The following SV2B variants were observed in gnomAD, a reference collection of about 807,000 sequenced individuals.
SV2B encodes synaptic vesicle glycoprotein 2B, also known as solute carrier family 22 member B2.
SV2B carries 41 observed loss-of-function variants against 73.9 expected under a neutral mutation model. The observed-to-expected ratio is 0.56, with a 90% CI of 0.43 to 0.72. SV2B has a LOEUF of 0.72. Ranked by LOEUF, SV2B falls within the 30% of genes least tolerant of loss-of-function variation. The pLI is 0.00. For missense variants in SV2B, 764 were observed against 857.8 expected, an observed-to-expected ratio of 0.89 and a Z score of 1.37; for synonymous variants, 314 against 314.2, an observed-to-expected ratio of 1.00 and a Z score of 0.01.
At position 91,280,747 on chromosome 15, in the gene SV2B, A is replaced by T. The variant is rs1022534846; in HGVS notation, c.1374-981A>T. ...CTTATTGTCTTTTTAACTGAGTTTT[A>T]AAAAAAAGTGAACACATAATACATA... On this transcript the variant is annotated intron_variant, in intron 9 of 12. Transcript: ENST00000394232. This position sits in a 1 kb window ranked among gnomAD's most constrained non-coding sequence, Gnocchi z 5.8. Among the ~76,000 whole-genome samples the T allele has an allele frequency of 9.2e-5, 14 of 152,170 alleles. No individual in the cohort carries two copies. Among genetic ancestry groups the T allele is most frequent in the Non-Finnish European group, 1.5e-4 (10 of 67,982 alleles).
At chr15:91,217,062 G>A (rs1220877634) in intron 1 of SV2B, among the ~76,000 whole-genome samples, 1 of 150,540 alleles carries the variant, frequency 6.6e-6, no homozygotes, top group East Asian at 2.0e-4. Context: ...TAATTAGTGG[G>A]GATGGGGTTT....
rs1004464702 is a variant in SV2B, at chr15:91,240,510, T to A, written c.452-11309T>A. 3.3e-5 allele frequency among the ~76,000 whole-genome samples: 5 copies of A among 152,126 alleles called. No individual in the cohort carries two copies. The highest frequency in any genetic ancestry group is 1.3e-4 in the Admixed American group (2 of 15,278). ...CTCCTGTCCTGTCATGGAGCCAACA[T>A]TTTAATAAAGAAAAAGGCTAAAAAA... On this transcript the variant is annotated intron_variant, in intron 2 of 12. Coordinates refer to ENST00000394232, the MANE Select transcript of SV2B (RefSeq NM_001323032.3). The surrounding 1 kb of genome is among the most constrained non-coding windows in gnomAD (Gnocchi z 4.6).
chr15:91,107,129 G>A lies in SV2B; in HGVS notation c.-392+6766G>A, dbSNP rs115394855. ...GAGAGATGGAGAATGTGCCAGTGGC[G>A]GAGAAAAAGAACCAAATCCCAGAAG... is the stretch of plus-strand genomic sequence containing the variant. On this transcript the variant is annotated intron_variant, in intron 1 of 12. Coordinates refer to ENST00000394232, the MANE Select transcript of SV2B (RefSeq NM_001323032.3). Among the ~76,000 whole-genome samples, 467 of 151,990 alleles carry A rather than the reference G, an allele frequency of 3.1e-3. 2 individuals carry two copies. Among genetic ancestry groups the A allele is most frequent in the Middle Eastern group, 0.014 (4 of 294 alleles).
At position 91,278,648 on chromosome 15, in the gene SV2B, C is replaced by T. The variant is rs535698535; in HGVS notation, c.1374-3080C>T. On this transcript the variant is annotated intron_variant, in intron 9 of 12. Coordinates refer to ENST00000394232, the MANE Select transcript of SV2B (RefSeq NM_001323032.3). ...GAGCCGAGATTGCGCCACTGCAGTCCGGCCTGGGCGACAGAGCGAGACTCC... is the reference window on the plus strand; with the variant it reads ...GAGCCGAGATTGCGCCACTGCAGTCTGGCCTGGGCGACAGAGCGAGACTCC... 6.9e-4 allele frequency among the ~76,000 whole-genome samples: 70 copies of T among 100,970 alleles called. 3 individuals are homozygous for T. The Middle Eastern group carries it at 0.036, about 52-fold the overall frequency. 66.2% of individuals were successfully genotyped at this position (100,970 alleles called of 152,430 possible).
chr15:91,216,884 A>G (rs1596604547), intron 1 of SV2B, among the ~76,000 whole-genome samples: 1 of 125,396 alleles, frequency 8.0e-6, no homozygotes, highest in Admixed American at 7.9e-5. Context: ...CTGAATAACT[A>G]CCTTTTTTTT....
intron 1 of SV2B, among the ~76,000 whole-genome samples, chr15:91,208,182 G>C (rs2045714708): frequency 6.6e-6 from 1 of 152,232 alleles, no homozygotes; most frequent in African/African-American, 2.4e-5. Flanking sequence ...TCACGATGTA[G>C]TAGAAACCTA....
chr15:91,258,479 C>A lies in SV2B; in HGVS notation c.843C>A (p.Ile281=). ...YHFHSWRVFV[I]VCALPCTVSM... ...TCCATAGCTGGAGAGTGTTTGTCAT[C>A]GTCTGTGCTCTGCCCTGCACCGTGT... The change falls in exon 5 of 13, where the codon ATC becomes ATA. Residue 281 remains isoleucine (I), a synonymous_variant. Coordinates refer to ENST00000394232, the MANE Select transcript of SV2B (RefSeq NM_001323032.3). This position sits in a 1 kb window ranked among gnomAD's most constrained non-coding sequence, Gnocchi z 4.7. 6.2e-7 allele frequency: 1 copy of A among 1,614,100 alleles called. No individual in the cohort carries two copies. The highest frequency in any genetic ancestry group is 1.1e-5 in the South Asian group (1 of 91,066).
At chr15:91,216,522 G>T (rs1330029541) in intron 1 of SV2B, among the ~76,000 whole-genome samples, 1 of 151,908 alleles carries the variant, frequency 6.6e-6, no homozygotes, top group African/African-American at 2.4e-5. Flanking sequence ...GCCCAGGCTG[G>T]AGTGCAATGG....
intron 1 of SV2B, among the ~76,000 whole-genome samples, chr15:91,205,559 T>C (rs1001638497): frequency 1.3e-5 from 2 of 151,524 alleles, no homozygotes; most frequent in African/African-American, 4.9e-5. Context: ...AGAGATGGGG[T>C]TTCATCATGT....
chr15:91,256,843 A>G (rs967810135), intron 4 of SV2B, among the ~76,000 whole-genome samples: 3 of 152,214 alleles, frequency 2.0e-5, no homozygotes, highest in Admixed American at 2.0e-4. Flanking sequence ...GGAACAGCAG[A>G]TAATTGGTTA....
chr15:91,271,914 T>A (rs1357727181), intron 9 of SV2B, among the ~76,000 whole-genome samples: 1 of 152,214 alleles, frequency 6.6e-6, no homozygotes, highest in Non-Finnish European at 1.5e-5. Flanking sequence ...CTTGGCTGAT[T>A]TAAGGTTTCG....
intron 2 of SV2B, among the ~76,000 whole-genome samples, 153 bp downstream of exon 2, chr15:91,226,867 T>A (rs898199628): frequency 1.3e-5 from 2 of 152,190 alleles, no homozygotes; most frequent in African/African-American, 4.8e-5. Flanking sequence ...TTGATTGACT[T>A]AAGTTTGCAC....
chr15:91,247,617 G>A (rs549163217), intron 2 of SV2B, among the ~76,000 whole-genome samples: 5 of 152,272 alleles, frequency 3.3e-5, no homozygotes, highest in Middle Eastern at 3.4e-3. Context: ...GGCAGTTGCT[G>A]GTGTTGGAGA....
chr15:91,286,631 A>G (rs2048869006), intron 11 of SV2B, among the ~76,000 whole-genome samples: 1 of 152,156 alleles, frequency 6.6e-6, no homozygotes, highest in Admixed American at 6.5e-5. Context: ...TATTATTATT[A>G]TTGAATATTA....
At chr15:91,187,939 C>G (rs1057148657) in intron 1 of SV2B, among the ~76,000 whole-genome samples, 19 of 151,938 alleles carry the variant, frequency 1.3e-4, no homozygotes, top group Admixed American at 1.2e-3. Context: ...AGTACAATGC[C>G]ATAATAAACA....
At chr15:91,120,745 C>T (rs2042309102) in intron 1 of SV2B, among the ~76,000 whole-genome samples, 1 of 147,120 alleles carries the variant, frequency 6.8e-6, no homozygotes, top group South Asian at 2.1e-4. Flanking sequence ...GGCTGGGAGA[C>T]TGAGGTTGCA....
At chr15:91,171,413 T>G (rs1004119806) in intron 1 of SV2B, among the ~76,000 whole-genome samples, 1 of 152,186 alleles carries the variant, frequency 6.6e-6, no homozygotes, top group African/African-American at 2.4e-5. Flanking sequence ...ATATTGTGAG[T>G]TGGTGGCACA....
intron 1 of SV2B, among the ~76,000 whole-genome samples, chr15:91,144,685 C>G (rs994391783): frequency 1.3e-5 from 2 of 152,208 alleles, no homozygotes; most frequent in Non-Finnish European, 2.9e-5. Flanking sequence ...AACAGCGGGA[C>G]AGCTCTCAGA....
In SV2B at chr15:91,280,796, A is replaced by C. The variant is rs1254901243; in HGVS notation, c.1374-932A>C. Among the ~76,000 whole-genome samples, 1 of 152,220 alleles carries C rather than the reference A, an allele frequency of 6.6e-6. No homozygotes were observed. The highest frequency in any genetic ancestry group is 6.5e-5 in the Admixed American group (1 of 15,286). On this transcript the variant is annotated intron_variant, in intron 9 of 12. Transcript: ENST00000394232. The surrounding 1 kb of genome is among the most constrained non-coding windows in gnomAD (Gnocchi z 5.8). ...TACGCTTGGCATAAAGTGAAAATTA[A>C]GTGTATTATTCCTCACTTCCATTGT...
Sources: gnomAD v4.1 joint callset for allele counts (sites outside exome capture counted in the v4.1 genomes callset) on GRCh38, gnomAD v4.1.1 for gene constraint, Gnocchi (gnomAD v3.1) non-coding constraint, MANE v1.5 for transcripts, NCBI Gene and HGNC (gene_info 2026-07-23, HGNC 2026-07-21) for gene names.